SEMA4C: variants seen among roughly 807,000 people sequenced by gnomAD.
The protein encoded by SEMA4C is semaphorin-4C.
Under a neutral mutation model 89.0 loss-of-function variants are expected in SEMA4C, and 19 were observed. The observed-to-expected ratio is 0.21, with a 90% CI of 0.15 to 0.31. SEMA4C has a LOEUF of 0.31. SEMA4C is among the 10% of genes least tolerant of loss of function. SEMA4C has a pLI of 1.00. For missense variants in SEMA4C, 811 were observed against 1,107.0 expected, an observed-to-expected ratio of 0.73 and a Z score of 3.79; for synonymous variants, 428 against 472.7, an observed-to-expected ratio of 0.91 and a Z score of 1.23.
Position 96,861,486 on chromosome 2 carries a change from T to C in SEMA4C, c.1673-31A>G, listed in dbSNP as rs573859334. The stretch of plus-strand genomic sequence containing the variant: ...GTGGCAGAGAAAACAGAGTGCATGT[T>C]AGTGCAGGAAAGCAGGGCTGGGGAA... On this transcript the variant is annotated intron_variant, in intron 14 of 14. Transcript: ENST00000305476. The surrounding 1 kb of genome is among the most constrained non-coding windows in gnomAD (Gnocchi z 7.8). 40 of 1,611,334 alleles carry C rather than the reference T, an allele frequency of 2.5e-5. 1 individual carries two copies. In the South Asian group the frequency reaches 4.0e-4, roughly 16 times the overall value.
Position 96,868,563 on chromosome 2 carries a change from C to T in SEMA4C, c.-37-640G>A, listed in dbSNP as rs915957388. On this transcript the variant is annotated intron_variant, in intron 1 of 14. Transcript: ENST00000305476. ...CCGGGAGCGAAGGGGCCCAGCTTCC[C>T]GAGGCCCCTTTGTTGCCCAAGAGGG... 6.1e-6 allele frequency: 6 copies of T among 985,698 alleles called. No homozygotes were observed. In the Admixed American group the frequency reaches 3.7e-4, roughly 61 times the overall value. 61.1% of individuals were successfully genotyped at this position (985,698 alleles called of 1,614,324 possible). A position where few individuals can be genotyped will look rare whatever the true frequency, so the allele number is the denominator to read the frequency against.
chr2:96,863,369 G>C (rs989963609), intron 12 of SEMA4C: 29 of 1,141,812 alleles, frequency 2.5e-5, no homozygotes, highest in African/African-American at 3.2e-5. Flanking sequence ...CAGGGAAGAG[G>C]CCAGAGCCAG....
Position 96,867,800 on chromosome 2 carries a change from C to CGGCACAAGG in SEMA4C, c.78_86dup (p.Leu27_Pro29dup). Reference sequence around the variant, plus strand: ...CACCCCCAGAAGACACTGTCTTACGCGGCACAAGGTTCCACCACACCTCAG... The same window carrying CGGCACAAGG: ...CACCCCCAGAAGACACTGTCTTACGCGGCACAAGGGGCACAAGGTTCCACCACACCTCAG... On this transcript the variant is annotated inframe_insertion, in exon 2 of 15. Transcript: ENST00000305476. The CGGCACAAGG allele has an allele frequency of 6.2e-7, 1 of 1,613,458 alleles. No individual in the cohort carries two copies. Among genetic ancestry groups the CGGCACAAGG allele is most frequent in the Non-Finnish European group, 8.5e-7 (1 of 1,179,846 alleles).
rs370088193 is a variant in SEMA4C, at chr2:96,865,578, C to T, written c.421-41G>A. On this transcript the variant is annotated intron_variant, in intron 5 of 14. Transcript: ENST00000305476. ...GAGGTGATGAGGAGATGCTTAAGGG[C>T]AGGGCTCTGTGGGCCACATCCACGA... 1.5e-4 allele frequency: 241 copies of T among 1,597,914 alleles called. 1 individual carries two copies. Among genetic ancestry groups the T allele is most frequent in the Admixed American group, 5.0e-5 (3 of 59,912 alleles).
In SEMA4C at chr2:96,861,273, G is replaced by A. The variant is rs1470259112; in HGVS notation, c.1855C>T (p.Pro619Ser). The A allele has an allele frequency of 1.2e-6, 2 of 1,607,762 alleles. No individual in the cohort carries two copies. Among genetic ancestry groups the A allele is most frequent in the East Asian group, 2.2e-5 (1 of 44,866 alleles). ...LQALVVMAAQPRHAGAYHCFS... is the reference protein window; with the variant it reads ...LQALVVMAAQSRHAGAYHCFS... ...CAGTGGTAGGCCCCGGCATGGCGGG[G>A]CTGGGCAGCCATCACAACCAGGGCC... The change falls in exon 15 of 15, where the codon CCC (proline) becomes TCC (serine). Residue 619 changes from proline to serine, a missense_variant. Physicochemically the swap from Pro to Ser is moderately conservative, Grantham distance 74. This residue lies in a region of SEMA4C where 441 missense variants were observed against 664.9 expected (regional missense o/e 0.66). Coordinates refer to ENST00000305476, the MANE Select transcript of SEMA4C (RefSeq NM_017789.5). The surrounding 1 kb of genome is among the most constrained non-coding windows in gnomAD (Gnocchi z 7.8).
chr2:96,861,769 G>C lies in SEMA4C; in HGVS notation c.1569C>G (p.Thr523=), dbSNP rs1306900032. 1 of 1,613,562 alleles carries C rather than the reference G, an allele frequency of 6.2e-7. No homozygotes were observed. The highest frequency in any genetic ancestry group is 1.7e-5 in the Admixed American group (1 of 60,034). ...RDPYCAWSVN[T]SRCVAVGGHS... is the part of the protein sequence containing the mutation. The stretch of plus-strand genomic sequence containing the variant: ...GGCCACCCACGGCCACACAGCGGCT[G>C]GTGTTGACGCTCCAGGCGCAATAGG... Residue 523 remains threonine, a synonymous_variant, in exon 13 of 15, where the codon ACC becomes ACG. Transcript: ENST00000305476. This position sits in a 1 kb window ranked among gnomAD's most constrained non-coding sequence, Gnocchi z 7.8.
chr2:96,864,169 G>T lies in SEMA4C; in HGVS notation c.1108-21C>A. On this transcript the variant is annotated intron_variant, in intron 10 of 14. Transcript: ENST00000305476. This position sits in a 1 kb window ranked among gnomAD's most constrained non-coding sequence, Gnocchi z 6.3. ...ATGCACTGGGGGCAGGGTGTGGGGG[G>T]CAGGCCATCAGCAGGGTGGGATGGC... is the stretch of plus-strand genomic sequence containing the variant. 1 of 1,604,526 alleles carries T rather than the reference G, an allele frequency of 6.2e-7. No individual in the cohort carries two copies. The highest frequency in any genetic ancestry group is 8.5e-7 in the Non-Finnish European group (1 of 1,172,656).
rs1305881320 is a variant in SEMA4C, at chr2:96,861,140, C to G, written c.1988G>C (p.Gly663Ala). The change falls in exon 15 of 15, where the codon GGG becomes GCG. Residue 663 changes from glycine to alanine, a missense_variant. By Grantham distance (60) the Gly-to-Ala change is moderately conservative. This residue lies in a region of SEMA4C where 248 missense variants were observed against 269.0 expected (regional missense o/e 0.92). Coordinates refer to ENST00000305476, the MANE Select transcript of SEMA4C (RefSeq NM_017789.5). The surrounding 1 kb of genome is among the most constrained non-coding windows in gnomAD (Gnocchi z 7.8). ...LEARAPLENL[G>A]LVWLAVVALG... is the part of the protein sequence containing the mutation. ...GGCCACCACCGCCAGCCACACCAGCCCCAGGTTTTCCAGGGGGGCCCGGGC... is the reference window on the plus strand; with the variant it reads ...GGCCACCACCGCCAGCCACACCAGCGCCAGGTTTTCCAGGGGGGCCCGGGC... 6.2e-7 allele frequency: 1 copy of G among 1,611,380 alleles called. No individual in the cohort carries two copies. Among genetic ancestry groups the G allele is most frequent in the Non-Finnish European group, 8.5e-7 (1 of 1,179,668 alleles).
Position 96,864,289 on chromosome 2 carries a change from G to A in SEMA4C, c.1056C>T (p.Ala352=). 1 of 1,613,990 alleles carries A rather than the reference G, an allele frequency of 6.2e-7. No homozygotes were observed. The highest frequency in any genetic ancestry group is 8.5e-7 in the Non-Finnish European group (1 of 1,179,986). ...GGTCAGTGTAGCGGTCCCACTTCTG[G>A]GCTTCCTCATGGTACTCCTTATAGG... ...EGPYKEYHEE[A]QKWDRYTDPV... The change falls in exon 10 of 15, where the codon GCC becomes GCT. Residue 352 remains alanine, a synonymous_variant. Coordinates refer to ENST00000305476, the MANE Select transcript of SEMA4C (RefSeq NM_017789.5). The surrounding 1 kb of genome is among the most constrained non-coding windows in gnomAD (Gnocchi z 6.3).
chr2:96,865,855 C>A lies in SEMA4C; in HGVS notation c.321+12G>T. On this transcript the variant is annotated intron_variant, in intron 4 of 14. Coordinates refer to ENST00000305476, the MANE Select transcript of SEMA4C (RefSeq NM_017789.5). ...GTGAAGGCAGCACCAGGAGCAGCGT[C>A]CAAGCACCCACCTGGTTGTTCTTCC... 1 of 1,614,012 alleles carries A rather than the reference C, an allele frequency of 6.2e-7. No individual in the cohort carries two copies. Among genetic ancestry groups the A allele is most frequent in the African/African-American group, 1.3e-5 (1 of 75,038 alleles).
intron 11 of SEMA4C, 39 bp from the exon 12 acceptor site, chr2:96,863,833 C>T (rs1297528171): frequency 6.2e-7 from 1 of 1,607,178 alleles, no homozygotes; most frequent in African/African-American, 1.3e-5. Context: ...TGAGAGGGCA[C>T]AAGGCCGTGG....
Position 96,864,989 on chromosome 2 carries a change from A to G in SEMA4C, c.761T>C (p.Val254Ala). Residue 254 changes from valine to alanine, a missense_variant, in exon 8 of 15, where the codon GTG (valine) becomes GCG (alanine). Coordinates refer to ENST00000305476, the MANE Select transcript of SEMA4C (RefSeq NM_017789.5). The surrounding 1 kb of genome is among the most constrained non-coding windows in gnomAD (Gnocchi z 6.3). ...VESDCYAEQV[V>A]ARVARVCKGD... ...CTTGCAGACACGGGCCACACGAGCC[A>G]CCACCTGCTCGGCATAGCAGTCGGA... The G allele has an allele frequency of 6.4e-7, 1 of 1,569,866 alleles. No homozygotes were observed. The highest frequency in any genetic ancestry group is 1.2e-5 in the South Asian group (1 of 86,360).
At chr2:96,870,266 T>C (rs2080174651), upstream of SEMA4C, 2 of 985,244 alleles carry the variant, frequency 2.0e-6, no homozygotes, top group African/African-American at 1.7e-5. Flanking sequence ...CCTCAACCCC[T>C]CCGGGTGTCC....
At chr2:96,870,678 C>T, upstream of SEMA4C, 1 of 985,538 alleles carries the variant, frequency 1.0e-6, no homozygotes, top group Non-Finnish European at 1.2e-6. Context: ...CTGCTTCTCA[C>T]GCTTTGGGCA....
chr2:96,862,017 AG>A (rs1424926534), intron 12 of SEMA4C, 123 bp from the exon 13 acceptor site: 8 of 1,059,862 alleles, frequency 7.5e-6, no homozygotes, highest in Non-Finnish European at 1.1e-5. Flanking sequence ...ACGGGGCGCC[AG>A]AAGGAGGAAC....
rs1323497107 is a variant in SEMA4C at position 96,868,689 on chromosome 2, G to A, written c.-37-766C>T. ...ACCAGCCCTCTGGCGGAGGGGCGGT[G>A]GGGGGACCGAGCTCGGGTCGAGTCG... On this transcript the variant is annotated intron_variant, in intron 1 of 14. Coordinates refer to ENST00000305476, the MANE Select transcript of SEMA4C (RefSeq NM_017789.5). 3 of 985,330 alleles carry A rather than the reference G, an allele frequency of 3.0e-6. No individual in the cohort carries two copies. In the African/African-American group the frequency reaches 5.2e-5, roughly 17 times the overall value. The allele number at this position is 985,330 out of a possible 1,614,324, so 61.0% of individuals were successfully genotyped here.
rs747110676 is a variant in SEMA4C at position 96,865,535 on chromosome 2, G to C, written c.423C>G (p.Asn141Lys). 1 of 1,613,724 alleles carries C rather than the reference G, an allele frequency of 6.2e-7. No homozygotes were observed. The highest frequency in any genetic ancestry group is 8.5e-7 in the Non-Finnish European group (1 of 1,179,800). The part of the protein sequence containing the change: ...YAFQPKCTYV[N>K]MLTFTLEHGE... The stretch of plus-strand genomic sequence containing the variant: ...CATGCTCCAAAGTGAAGGTGAGCAT[G>C]TTCTAAGGACAGAGAGAGAGGTGAT... Residue 141 changes from asparagine (N) to lysine (K), a missense_variant and splice_region_variant, in exon 6 of 15, where the codon AAC (asparagine) becomes AAG (lysine). Physicochemically the swap from Asn to Lys is moderately conservative, Grantham distance 94. This residue lies in a region of SEMA4C where 441 missense variants were observed against 664.9 expected (regional missense o/e 0.66). Transcript: ENST00000305476.
rs2079902141 is a variant in SEMA4C at position 96,859,897 on chromosome 2, T to TCCCCTCA, written c.*722_*728dup. 6.6e-6 allele frequency: 1 copy of TCCCCTCA among 151,636 alleles called. No homozygotes were observed. The highest frequency in any genetic ancestry group is 1.5e-5 in the Non-Finnish European group (1 of 67,934). The allele number at this position is 151,636 out of a possible 1,614,324, so 9.4% of individuals were successfully genotyped here. ...CAGCAGGCCCACCCTCTCCCTTCTC[T>TCCCCTCA]CCCCTCACACAGCCTTTCCCAGCCC... On this transcript the variant is annotated 3_prime_UTR_variant, in exon 15 of 15. Coordinates refer to ENST00000305476, the MANE Select transcript of SEMA4C (RefSeq NM_017789.5).
rs746981546 is a variant in SEMA4C, at chr2:96,865,977, G to A, written c.259-48C>T. 3.0e-5 allele frequency: 48 copies of A among 1,584,536 alleles called. No individual in the cohort carries two copies. The East Asian group carries it at 8.1e-4, about 27-fold the overall frequency. On this transcript the variant is annotated intron_variant, in intron 3 of 14. Coordinates refer to ENST00000305476, the MANE Select transcript of SEMA4C (RefSeq NM_017789.5). ...CAGCCACGTTACAGGTACGGACTGA[G>A]CACGTGTCACAAGCACAGCCTGCAG...
Sources: gnomAD v4.1 joint callset for allele counts on GRCh38, gnomAD v4.1.1 for gene constraint, gnomAD v4.1.1 regional missense constraint, Gnocchi (gnomAD v3.1) non-coding constraint, MANE v1.5 for transcripts, NCBI Gene and HGNC (gene_info 2026-07-23, HGNC 2026-07-21) for gene names.